NPHS2: variants seen among roughly 807,000 people sequenced by gnomAD.
NPHS2 encodes NPHS2 stomatin family member, podocin.
In NPHS2, 36 loss-of-function variants were observed where a neutral mutation model predicts 37.1. The observed-to-expected ratio is 0.97, with a 90% confidence interval of 0.74 to 1.28. The LOEUF (loss-of-function observed/expected upper bound fraction) is 1.28, where lower values mean the gene tolerates loss of function less well. NPHS2 is among the 50% of genes most tolerant of loss of function. The pLI, the probability that NPHS2 is intolerant of heterozygous loss-of-function variation, is 0.00. For missense variants in NPHS2, 447 were observed against 488.1 expected (o/e 0.92, Z 0.79); for synonymous variants, 196 against 189.3 (o/e 1.04, Z -0.29).
chr1:179,553,870 T>C (rs928144037), intron 6 of NPHS2, among the ~76,000 whole-genome samples: 1 of 151,416 alleles, frequency 6.6e-6, no homozygotes, highest in Non-Finnish European at 1.5e-5. Flanking sequence ...CTCAGCCTCC[T>C]GAGTAGCTGG....
chr1:179,570,771 T>G (rs1452783406), intron 1 of NPHS2, among the ~76,000 whole-genome samples: 1 of 152,248 alleles, frequency 6.6e-6, no homozygotes, highest in Non-Finnish European at 1.5e-5. Context: ...CTTTTTACTC[T>G]TTTTTCTCTA....
intron 1 of NPHS2, among the ~76,000 whole-genome samples, chr1:179,575,035 G>A (rs1674701896): frequency 1.3e-5 from 2 of 152,124 alleles, no homozygotes; most frequent in Non-Finnish European, 2.9e-5. Flanking sequence ...GATGGTTAAG[G>A]TCCTTCCTAT....
intron 1 of NPHS2, among the ~76,000 whole-genome samples, chr1:179,570,401 T>C (rs1177674552): frequency 2.0e-5 from 3 of 152,126 alleles, no homozygotes; most frequent in African/African-American, 7.3e-5. Context: ...AAGTATCCCT[T>C]ATGGGAAACA....
At position 179,575,577 on chromosome 1, in the gene NPHS2, T is replaced by C. The variant is rs757829667; in HGVS notation, c.274+14A>G. ...CACCTGGAAAAGTAGCAGATAGTGG[T>C]GCTGAATCCGTACCTTCCTCGGGCC... is the stretch of plus-strand genomic sequence containing the variant. On this transcript the variant is annotated intron_variant, in intron 1 of 7. Coordinates refer to ENST00000367615, the MANE Select transcript of NPHS2 (RefSeq NM_014625.4). The C allele has an allele frequency of 5.0e-5, 80 of 1,600,334 alleles. No homozygotes were observed. In the Admixed American group the frequency reaches 9.5e-4, roughly 19 times the overall value.
At chr1:179,555,720 A>G (rs1572275562) in intron 5 of NPHS2, among the ~76,000 whole-genome samples, 1 of 152,350 alleles carries the variant, frequency 6.6e-6, no homozygotes, top group Non-Finnish European at 1.5e-5. Flanking sequence ...GGAGCATAAA[A>G]GTGCTGAATG....
At chr1:179,570,488 C>T (rs949437323) in intron 1 of NPHS2, among the ~76,000 whole-genome samples, 5 of 152,268 alleles carry the variant, frequency 3.3e-5, no homozygotes, top group Admixed American at 6.5e-5. Context: ...ACAGATCGCT[C>T]ATGCTATTGT....
At position 179,575,633 on chromosome 1, in the gene NPHS2, T is replaced by C; in HGVS notation, c.232A>G (p.Thr78Ala). ...DEVRGSGEEG[T>A]EVVALLESER... ...CTCTCCAACAGCGCCACCACCTCGG[T>C]GCCCTCCTCGCCGGAGCCTCGGACC... Residue 78 changes from threonine (T) to alanine (A), a missense_variant, in exon 1 of 8, where the codon ACC (threonine) becomes GCC (alanine). By Grantham distance (58) the Thr-to-Ala change is moderately conservative (BLOSUM62 0). Transcript: ENST00000367615. 6.2e-7 allele frequency: 1 copy of C among 1,603,642 alleles called. No individual in the cohort carries two copies. The highest frequency in any genetic ancestry group is 1.7e-5 in the Admixed American group (1 of 60,014).
At chr1:179,553,114 C>T (rs889394258) in intron 6 of NPHS2, among the ~76,000 whole-genome samples, 16 of 152,186 alleles carry the variant, frequency 1.1e-4, no homozygotes, top group Admixed American at 2.6e-4. Context: ...ATAAGAACAA[C>T]GCTTAATGTA....
intron 5 of NPHS2, among the ~76,000 whole-genome samples, chr1:179,555,044 A>C (rs1673844142): frequency 6.6e-6 from 1 of 152,350 alleles, no homozygotes; most frequent in South Asian, 2.1e-4. Context: ...CAGCCACCAG[A>C]TGCTGGAAAA....
At position 179,564,803 on chromosome 1, in the gene NPHS2, A is replaced by G. The variant is rs1558349137; in HGVS notation, c.275-10T>C. ...CCGGAGGATTTGGTACCTTAAAAAAATTAAAGCAAAAGAATAATTATATTG... is the reference window on the plus strand; with the variant it reads ...CCGGAGGATTTGGTACCTTAAAAAAGTTAAAGCAAAAGAATAATTATATTG... On this transcript the variant is annotated splice_polypyrimidine_tract_variant and intron_variant, in intron 1 of 7. Coordinates refer to ENST00000367615, the MANE Select transcript of NPHS2 (RefSeq NM_014625.4). 6.2e-7 allele frequency: 1 copy of G among 1,604,202 alleles called. No individual in the cohort carries two copies.
In NPHS2 at chr1:179,557,051, C is replaced by T; in HGVS notation, c.714G>A (p.Arg238=). The change falls in exon 5 of 8, where the codon AGG becomes AGA. Residue 238 remains arginine, a synonymous_variant. Transcript: ENST00000367615. ...HRSLTEILLE[R]KSIAQDAKVA... ...CCTTTGCATCTTGGGCGATGCTCTT[C>T]CTCTCTAGAAGAATTTCAGTGAGGG... 6.2e-7 allele frequency: 1 copy of T among 1,613,922 alleles called. No individual in the cohort carries two copies. The highest frequency in any genetic ancestry group is 1.1e-5 in the South Asian group (1 of 91,056).
At chr1:179,564,815 G>C in intron 1 of NPHS2, 22 bp from the exon 2 acceptor site, 1 of 1,579,296 alleles carries the variant, frequency 6.3e-7, no homozygotes, top group Non-Finnish European at 8.7e-7. Flanking sequence ...TAAAGCAAAA[G>C]AATAATTATA....
At chr1:179,553,456 A>G (rs1673613699) in intron 6 of NPHS2, among the ~76,000 whole-genome samples, 1 of 152,264 alleles carries the variant, frequency 6.6e-6, no homozygotes, top group Admixed American at 6.5e-5. Flanking sequence ...ATGCTCAAGC[A>G]TGGTTGAACG....
Position 179,564,790 on chromosome 1 carries a change from GTACCTT to G in NPHS2, c.275-3_277del. 1 of 1,612,998 alleles carries G rather than the reference GTACCTT, an allele frequency of 6.2e-7. No homozygotes were observed. The highest frequency in any genetic ancestry group is 8.5e-7 in the Non-Finnish European group (1 of 1,179,036). On this transcript the variant is annotated splice_acceptor_variant and splice_polypyrimidine_tract_variant and coding_sequence_variant and intron_variant, in exon 2 of 8. Coordinates refer to ENST00000367615, the MANE Select transcript of NPHS2 (RefSeq NM_014625.4). LOFTEE classifies it high-confidence loss of function. ...ACAGGCCCCTAAGCCGGAGGATTTG[GTACCTT>G]AAAAAAATTAAAGCAAAAGAATAAT...
At chr1:179,560,712 A>G (rs1379918953) in intron 3 of NPHS2, among the ~76,000 whole-genome samples, 1 of 152,030 alleles carries the variant, frequency 6.6e-6, no homozygotes, top group African/African-American at 2.4e-5. Flanking sequence ...TAAACCTTTC[A>G]GACTGACCAT....
chr1:179,551,597 G>C, intron 7 of NPHS2, 146 bp from the exon 8 acceptor site: 6 of 897,900 alleles, frequency 6.7e-6, no homozygotes, highest in Non-Finnish European at 1.0e-5. Flanking sequence ...TCTTCTTTCT[G>C]AAGGGTCTTG....
At chr1:179,571,049 C>T (rs2101880813) in intron 1 of NPHS2, among the ~76,000 whole-genome samples, 1 of 152,342 alleles carries the variant, frequency 6.6e-6, no homozygotes, top group South Asian at 2.1e-4. Flanking sequence ...TACTGACTTT[C>T]TGAAGCCTAC....
Position 179,556,176 on chromosome 1 carries a change from C to T in NPHS2, c.738+851G>A, listed in dbSNP as rs745317. The stretch of plus-strand genomic sequence containing the variant: ...GGAAAGGAGGGTGAAGGGGGACATC[C>T]CATAAAGCATAATTGCCACCAGTGC... On this transcript the variant is annotated intron_variant, in intron 5 of 7. Transcript: ENST00000367615. The surrounding 1 kb of genome is among the most constrained non-coding windows in gnomAD (Gnocchi z 4.1). Among the ~76,000 whole-genome samples the T allele has an allele frequency of 0.12, 17,791 of 152,154 alleles. 1,208 individuals are homozygous for T. Among genetic ancestry groups the T allele is most frequent in the African/African-American group, 0.16 (6,643 of 41,500 alleles).
chr1:179,575,024 A>T (rs1056902604), intron 1 of NPHS2, among the ~76,000 whole-genome samples: 2 of 152,096 alleles, frequency 1.3e-5, no homozygotes, highest in African/African-American at 4.8e-5. Context: ...GTTATAGGAG[A>T]GATGGTTAAG....
Sources: gnomAD v4.1 joint callset for allele counts (sites outside exome capture counted in the v4.1 genomes callset) on GRCh38, gnomAD v4.1.1 for gene constraint, Gnocchi (gnomAD v3.1) non-coding constraint, MANE v1.5 for transcripts, NCBI Gene and HGNC (gene_info 2026-07-23, HGNC 2026-07-21) for gene names.